The following ADGRB3 variants were observed in gnomAD, a reference collection of about 807,000 sequenced individuals.
The protein encoded by ADGRB3 is adhesion G protein-coupled receptor B3.
Under a neutral mutation model 193.4 loss-of-function variants are expected in ADGRB3, and 37 were observed. The observed-to-expected ratio is 0.19, with a 90% confidence interval of 0.15 to 0.25. The LOEUF (loss-of-function observed/expected upper bound fraction) is 0.25, where lower values mean the gene tolerates loss of function less well. ADGRB3 is among the 10% of genes least tolerant of loss of function. The pLI, the probability that ADGRB3 is intolerant of heterozygous loss-of-function variation, is 1.00. For missense variants in ADGRB3, 1,637 were observed against 1,852.9 expected (o/e 0.88, Z 2.14); for synonymous variants, 690 against 644.2 (o/e 1.07, Z -1.08).
intron 3 of ADGRB3, among the ~76,000 whole-genome samples, chr6:68,913,350 C>G (rs534584167): frequency 6.6e-6 from 1 of 152,156 alleles, no homozygotes; most frequent in East Asian, 1.9e-4. Context: ...GACAAAACTT[C>G]CAGAGGAACG....
At chr6:69,318,715 A>T (rs960515880) in intron 20 of ADGRB3, among the ~76,000 whole-genome samples, 12 of 151,252 alleles carry the variant, frequency 7.9e-5, no homozygotes, top group African/African-American at 2.9e-4. Context: ...CTGAATTTCT[A>T]CTTTTTTTGA....
At chr6:68,724,811 G>A (rs987075869) in intron 3 of ADGRB3, among the ~76,000 whole-genome samples, 2 of 151,512 alleles carry the variant, frequency 1.3e-5, no homozygotes, top group Admixed American at 6.6e-5. Context: ...TGCTTAAAGC[G>A]GTGTGTTGGG....
intron 17 of ADGRB3, among the ~76,000 whole-genome samples, chr6:69,178,017 T>C (rs1048591158): frequency 3.3e-5 from 5 of 152,210 alleles, no homozygotes; most frequent in Non-Finnish European, 7.3e-5. Flanking sequence ...CAAGGATCTG[T>C]CTAATGCTGT....
At chr6:68,890,487 TAAATC>T (rs1430001909) in intron 3 of ADGRB3, among the ~76,000 whole-genome samples, 4 of 152,216 alleles carry the variant, frequency 2.6e-5, no homozygotes, top group Non-Finnish European at 5.9e-5. Flanking sequence ...GATATCCAGA[TAAATC>T]AAGAGAGAGT....
At chr6:69,181,274 C>G (rs1775575646) in intron 17 of ADGRB3, among the ~76,000 whole-genome samples, 1 of 151,646 alleles carries the variant, frequency 6.6e-6, no homozygotes, top group Admixed American at 6.6e-5. Context: ...AAGCATGCCT[C>G]TAATCACTAT....
At chr6:68,679,069 A>G (rs766012523) in intron 3 of ADGRB3, among the ~76,000 whole-genome samples, 3 of 152,138 alleles carry the variant, frequency 2.0e-5, no homozygotes, top group Non-Finnish European at 4.4e-5. Flanking sequence ...TTTCTCTTTC[A>G]GATATCTATC....
At chr6:69,018,180 C>CT (rs1770153226) in intron 12 of ADGRB3, among the ~76,000 whole-genome samples, 1 of 151,848 alleles carries the variant, frequency 6.6e-6, no homozygotes, top group Non-Finnish European at 1.5e-5. Flanking sequence ...GGATTAATCA[C>CT]TACATCATAT....
intron 3 of ADGRB3, among the ~76,000 whole-genome samples, chr6:68,661,593 G>A (rs1474062132): frequency 7.5e-6 from 1 of 133,498 alleles, no homozygotes; most frequent in African/African-American, 2.7e-5. Context: ...TGGCTATTTG[G>A]ATTTAGATTG....
intron 3 of ADGRB3, among the ~76,000 whole-genome samples, chr6:68,791,397 A>G (rs1767104699): frequency 6.6e-6 from 1 of 152,214 alleles, no homozygotes; most frequent in South Asian, 2.1e-4. Flanking sequence ...AACTATATGC[A>G]TTATAGAAGT....
chr6:69,332,621 G>C, intron 23 of ADGRB3: 1 of 985,436 alleles, frequency 1.0e-6, no homozygotes, highest in Non-Finnish European at 1.2e-6. Flanking sequence ...TCAGACAGAA[G>C]AATGCCAGAT....
At chr6:68,767,548 A>G (rs978753215) in intron 3 of ADGRB3, among the ~76,000 whole-genome samples, 2 of 152,190 alleles carry the variant, frequency 1.3e-5, no homozygotes, top group Non-Finnish European at 2.9e-5. Context: ...TCTCAAAATA[A>G]TAAGAGCTAT....
intron 17 of ADGRB3, among the ~76,000 whole-genome samples, chr6:69,206,045 G>GTATATATATATATATATATACATA (rs1765531424): frequency 3.0e-5 from 3 of 99,952 alleles, no homozygotes; most frequent in African/African-American, 1.2e-4. Flanking sequence ...TATAATAATG[G>GTATATATATATATATATATACATA]TATATATATA....
At chr6:69,187,367 G>T (rs1765092556) in intron 17 of ADGRB3, among the ~76,000 whole-genome samples, 1 of 152,248 alleles carries the variant, frequency 6.6e-6, no homozygotes, top group East Asian at 1.9e-4. Context: ...AACTGCTATT[G>T]TTCGTATAAG....
At chr6:68,954,931 T>C (rs1768030217) in intron 6 of ADGRB3, among the ~76,000 whole-genome samples, 1 of 152,184 alleles carries the variant, frequency 6.6e-6, no homozygotes, top group Non-Finnish European at 1.5e-5. Flanking sequence ...TCCGCCTGCC[T>C]CAGCCTCCCA....
At position 68,752,065 on chromosome 6, in the gene ADGRB3, G is replaced by C. The variant is rs146180482; in HGVS notation, c.757+112633G>C. Among the ~76,000 whole-genome samples, 7 of 152,134 alleles carry C rather than the reference G, an allele frequency of 4.6e-5. No individual in the cohort carries two copies. The East Asian group carries it at 1.4e-3, about 29-fold the overall frequency. On this transcript the variant is annotated intron_variant, in intron 3 of 31. Transcript: ENST00000370598. Reference sequence around the variant, plus strand: ...AGGCATTTATAAGAAAAGCTTTTTAGCTTTTTGGAAACCTATGATTTAATT... The same window carrying C: ...AGGCATTTATAAGAAAAGCTTTTTACCTTTTTGGAAACCTATGATTTAATT...
At chr6:68,672,143 CCTCT>C (rs1396043317) in intron 3 of ADGRB3, among the ~76,000 whole-genome samples, 2 of 151,488 alleles carry the variant, frequency 1.3e-5, no homozygotes, top group Middle Eastern at 3.4e-3. Context: ...TTATTTGAAT[CCTCT>C]CTCTTTTTTT....
chr6:69,352,357 G>T (rs1346137930), intron 26 of ADGRB3, among the ~76,000 whole-genome samples: 1 of 152,128 alleles, frequency 6.6e-6, no homozygotes, highest in Non-Finnish European at 1.5e-5. Flanking sequence ...AGTTCTTCAG[G>T]AAAAGATGAT....
intron 15 of ADGRB3, among the ~76,000 whole-genome samples, chr6:69,062,404 G>A (rs866360052): frequency 5.9e-5 from 9 of 151,684 alleles, no homozygotes; most frequent in Non-Finnish European, 1.0e-4. Context: ...CTCTATTGTC[G>A]AAATAAATTA....
intron 3 of ADGRB3, among the ~76,000 whole-genome samples, chr6:68,861,146 A>C (rs982466760): frequency 2.0e-5 from 3 of 152,318 alleles, no homozygotes; most frequent in African/African-American, 4.8e-5. Context: ...AAAACAAAAC[A>C]CAGCATGAAA....
Sources: gnomAD v4.1 joint callset for allele counts (sites outside exome capture counted in the v4.1 genomes callset) on GRCh38, gnomAD v4.1.1 for gene constraint, MANE v1.5 for transcripts, NCBI Gene and HGNC (gene_info 2026-07-23, HGNC 2026-07-21) for gene names.